Variants in WDPCP observed in about 807,000 individuals in gnomAD.
The protein encoded by WDPCP is WD repeat-containing and planar cell polarity effector protein fritz homolog.
Under a neutral mutation model 93.1 loss-of-function variants are expected in WDPCP, and 71 were observed. The observed-to-expected ratio is 0.76, with a 90% CI of 0.63 to 0.93. The LOEUF is 0.93. Among genes scored for constraint, WDPCP ranks in the 40% least tolerant of loss-of-function variants. The probability of loss-of-function intolerance (pLI) is 0.00; values close to 1 mark genes in which losing one functional copy is unlikely to be tolerated. For synonymous variants in WDPCP, 315 were observed against 315.0 expected (o/e 1.00, Z 0.00); for missense variants, 844 against 887.4 (o/e 0.95, Z 0.62).
At chr2:63,450,062 C>T (rs1270376559) in intron 6 of WDPCP, among the ~76,000 whole-genome samples, 1 of 152,164 alleles carries the variant, frequency 6.6e-6, no homozygotes. Context: ...TTTCCAGAGC[C>T]CCAGAGCTCC....
intron 9 of WDPCP, among the ~76,000 whole-genome samples, chr2:63,407,136 CG>C (rs1355115930): frequency 3.3e-5 from 5 of 151,784 alleles, no homozygotes; most frequent in African/African-American, 1.2e-4. Flanking sequence ...GAGTGGGGCT[CG>C]GGGTGTGATA....
intron 2 of WDPCP, among the ~76,000 whole-genome samples, chr2:63,672,586 C>T (rs1199660102): frequency 6.6e-6 from 1 of 151,894 alleles, no homozygotes; most frequent in Non-Finnish European, 1.5e-5. Context: ...TATGCATAAC[C>T]TAAAATTTAC....
chr2:63,129,411 C>G (rs1362992144), intron 17 of WDPCP, among the ~76,000 whole-genome samples: 1 of 152,200 alleles, frequency 6.6e-6, no homozygotes, highest in East Asian at 1.9e-4. Flanking sequence ...TACAATTGTT[C>G]TAGTTTCTCC....
chr2:63,157,836 A>G (rs111931629), intron 15 of WDPCP, among the ~76,000 whole-genome samples: 125 of 152,062 alleles, frequency 8.2e-4, no homozygotes, highest in Non-Finnish European at 1.5e-3. Flanking sequence ...TTTTGACTTC[A>G]TTAATTTTTT....
intron 2 of WDPCP, among the ~76,000 whole-genome samples, chr2:63,712,945 T>C (rs567066057): frequency 6.6e-6 from 1 of 152,300 alleles, no homozygotes; most frequent in Admixed American, 6.5e-5. Flanking sequence ...ATAGACACAG[T>C]GGATTAGCAG....
At chr2:63,263,969 C>T (rs756455322) in intron 13 of WDPCP, among the ~76,000 whole-genome samples, 6 of 152,012 alleles carry the variant, frequency 3.9e-5, no homozygotes, top group Non-Finnish European at 8.8e-5. Flanking sequence ...TTCCATGAAG[C>T]TAATGAAGCT....
chr2:63,277,786 G>A (rs981900896), intron 13 of WDPCP, among the ~76,000 whole-genome samples: 1 of 152,138 alleles, frequency 6.6e-6, no homozygotes, highest in African/African-American at 2.4e-5. Context: ...AAATGAGATA[G>A]ATGGCAACAC....
Position 63,749,941 on chromosome 2 carries a change from C to A in WDPCP, n.308+63681G>T, listed in dbSNP as rs143243153. Among the ~76,000 whole-genome samples, 625 of 152,114 alleles carry A rather than the reference C, an allele frequency of 4.1e-3. 3 individuals carry two copies. Among genetic ancestry groups the A allele is most frequent in the African/African-American group, 0.014 (585 of 41,536 alleles). On this transcript the variant is annotated intron_variant and non_coding_transcript_variant, in intron 2 of 4. Transcript: ENST00000467687. Reference sequence around the variant, plus strand: ...ATTATTGTTTATAAATATGCTCTTCCAATGCAAATATCCTTGGGAGGGACA... The same window carrying A: ...ATTATTGTTTATAAATATGCTCTTCAAATGCAAATATCCTTGGGAGGGACA...
intron 12 of WDPCP, among the ~76,000 whole-genome samples, chr2:63,342,821 GTTCT>G (rs1183550194): frequency 6.6e-6 from 1 of 151,888 alleles, no homozygotes; most frequent in African/African-American, 2.4e-5. Flanking sequence ...ATCTTTACAC[GTTCT>G]TTATTTCTTT....
At chr2:63,308,444 G>A (rs909923307) in intron 13 of WDPCP, among the ~76,000 whole-genome samples, 10 of 152,152 alleles carry the variant, frequency 6.6e-5, no homozygotes, top group Admixed American at 2.0e-4. Flanking sequence ...ATATGCACAC[G>A]TATGTTTATT....
chr2:63,149,719 A>G (rs1671764055), intron 17 of WDPCP, among the ~76,000 whole-genome samples: 1 of 152,160 alleles, frequency 6.6e-6, no homozygotes, highest in Admixed American at 6.5e-5. Flanking sequence ...TTTAGTGAAA[A>G]AAGTAAGTAA....
intron 2 of WDPCP, among the ~76,000 whole-genome samples, chr2:63,792,294 G>T (rs1670556641): frequency 6.6e-6 from 1 of 152,162 alleles, no homozygotes; most frequent in Non-Finnish European, 1.5e-5. Flanking sequence ...CATGGCAGCA[G>T]GCGAGAGAGG....
At chr2:63,679,345 A>C (rs1456197027) in intron 2 of WDPCP, among the ~76,000 whole-genome samples, 1 of 152,146 alleles carries the variant, frequency 6.6e-6, no homozygotes, top group Non-Finnish European at 1.5e-5. Context: ...TGTGTGGAGA[A>C]TTAGAATGAC....
chr2:63,575,366 T>A, intron 1 of WDPCP, among the ~76,000 whole-genome samples: 1 of 130,392 alleles, frequency 7.7e-6, no homozygotes, highest in African/African-American at 2.9e-5. Flanking sequence ...ATACAGTATA[T>A]ACAGTATATA....
chr2:63,146,840 T>C (rs1559153734), intron 17 of WDPCP, among the ~76,000 whole-genome samples: 1 of 152,332 alleles, frequency 6.6e-6, no homozygotes, highest in South Asian at 2.1e-4. Context: ...AATGGACAGA[T>C]AAGTGATAAC....
intron 2 of WDPCP, among the ~76,000 whole-genome samples, chr2:63,719,056 T>G (rs557463862): frequency 6.6e-6 from 1 of 152,314 alleles, no homozygotes; most frequent in African/African-American, 2.4e-5. Context: ...AGGAAACAGT[T>G]GTCAAGCTTA....
chr2:63,141,370 T>G (rs1021829787), intron 17 of WDPCP, among the ~76,000 whole-genome samples: 1 of 152,152 alleles, frequency 6.6e-6, no homozygotes, highest in Non-Finnish European at 1.5e-5. Context: ...AGCCACCATG[T>G]CCAGCTGATT....
intron 10 of WDPCP, among the ~76,000 whole-genome samples, chr2:63,387,627 G>C (rs886153947): frequency 2.0e-5 from 3 of 152,084 alleles, no homozygotes; most frequent in Non-Finnish European, 2.9e-5. Context: ...GTCCTAGCCA[G>C]AGCCATCAGG....
intron 2 of WDPCP, among the ~76,000 whole-genome samples, chr2:63,778,297 C>T (rs536995969): frequency 3.4e-4 from 51 of 152,096 alleles, no homozygotes; most frequent in Non-Finnish European, 6.5e-4. Flanking sequence ...AACCTCCACC[C>T]TCCAACTTCA....
Sources: gnomAD v4.1 joint callset for allele counts (sites outside exome capture counted in the v4.1 genomes callset) on GRCh38, gnomAD v4.1.1 for gene constraint, MANE v1.5 for transcripts, NCBI Gene and HGNC (gene_info 2026-07-23, HGNC 2026-07-21) for gene names.